Variants in TMEM132D observed in about 807,000 individuals in gnomAD.
The protein encoded by TMEM132D is transmembrane protein 132D, also known as mature OL transmembrane protein.
In TMEM132D, 21 loss-of-function variants were observed where a neutral mutation model predicts 62.3. The observed-to-expected ratio is 0.34, with a 90% confidence interval of 0.24 to 0.49. The LOEUF (loss-of-function observed/expected upper bound fraction) is 0.49, where lower values mean the gene tolerates loss of function less well. TMEM132D is among the 20% of genes least tolerant of loss of function. The probability of loss-of-function intolerance (pLI) is 0.99; values close to 1 mark genes in which losing one functional copy is unlikely to be tolerated. For missense variants in TMEM132D, 1,346 were observed against 1,402.8 expected, an observed-to-expected ratio of 0.96 and a Z score of 0.65; for synonymous variants, 621 against 575.6, an observed-to-expected ratio of 1.08 and a Z score of -1.13.
intron 5 of TMEM132D, among the ~76,000 whole-genome samples, chr12:129,087,097 T>C (rs1348620640): frequency 6.6e-6 from 1 of 152,160 alleles, no homozygotes; most frequent in East Asian, 1.9e-4. Flanking sequence ...TTCAGCAGCA[T>C]AACTGAAACT....
intron 5 of TMEM132D, among the ~76,000 whole-genome samples, chr12:129,179,742 C>T (rs1278659703): frequency 6.6e-6 from 1 of 152,094 alleles, no homozygotes; most frequent in African/African-American, 2.4e-5. Context: ...AAAAAAGTGA[C>T]ACCGGCCGGG....
chr12:129,162,260 A>C (rs898978194), intron 5 of TMEM132D, among the ~76,000 whole-genome samples: 1 of 152,188 alleles, frequency 6.6e-6, no homozygotes, highest in African/African-American at 2.4e-5. Flanking sequence ...CACTGAGGAA[A>C]GACCCTGTGA....
intron 2 of TMEM132D, among the ~76,000 whole-genome samples, chr12:129,555,435 A>C (rs1463821177): frequency 6.6e-6 from 1 of 152,248 alleles, no homozygotes; most frequent in Non-Finnish European, 1.5e-5. Context: ...TTACCTCAAA[A>C]GCAGAAAAAA....
chr12:129,285,539 A>AAAAAAAG (rs56018646), intron 4 of TMEM132D, among the ~76,000 whole-genome samples: 6 of 90,074 alleles, frequency 6.7e-5, no homozygotes, highest in Non-Finnish European at 1.1e-4. Context: ...AAAAAAAAAA[A>AAAAAAAG]AGAGAGAGAG....
At chr12:129,676,071 C>T (rs1435387101) in intron 2 of TMEM132D, among the ~76,000 whole-genome samples, 4 of 152,122 alleles carry the variant, frequency 2.6e-5, no homozygotes, top group African/African-American at 7.2e-5. Context: ...ACTGTGGCCT[C>T]GAGAATATGC....
chr12:129,238,509 T>G (rs961105946), intron 4 of TMEM132D, among the ~76,000 whole-genome samples: 1 of 152,210 alleles, frequency 6.6e-6, no homozygotes, highest in African/African-American at 2.4e-5. Context: ...CCCCTGGCAA[T>G]CACCATTCCA....
intron 5 of TMEM132D, among the ~76,000 whole-genome samples, chr12:129,116,218 T>C (rs1875885363): frequency 6.6e-6 from 1 of 152,158 alleles, no homozygotes; most frequent in Non-Finnish European, 1.5e-5. Flanking sequence ...AGAGGCTGGT[T>C]AAGGTGGGAA....
intron 3 of TMEM132D, among the ~76,000 whole-genome samples, chr12:129,502,716 T>C (rs1212194639): frequency 2.6e-5 from 4 of 152,160 alleles, no homozygotes; most frequent in African/African-American, 9.7e-5. Flanking sequence ...AGAAAGAAAG[T>C]TTATTCCCTG....
chr12:129,805,230 C>G (rs1362530148), intron 1 of TMEM132D, among the ~76,000 whole-genome samples: 1 of 152,004 alleles, frequency 6.6e-6, no homozygotes, highest in African/African-American at 2.4e-5. Context: ...GCCCGCATCA[C>G]CAAGTCAATC....
intron 1 of TMEM132D, among the ~76,000 whole-genome samples, chr12:129,818,740 TTAAAG>T (rs1394694947): frequency 6.6e-6 from 1 of 151,922 alleles, no homozygotes; most frequent in Admixed American, 6.6e-5. Context: ...TTAGTGCCAC[TTAAAG>T]TAGAACGTGC....
At chr12:129,642,654 T>C (rs933889874) in intron 2 of TMEM132D, among the ~76,000 whole-genome samples, 6 of 152,202 alleles carry the variant, frequency 3.9e-5, no homozygotes, top group Non-Finnish European at 5.9e-5. Context: ...AATGTGCAAA[T>C]TGGACAAGAA....
chr12:129,442,489 T>C lies in TMEM132D; in HGVS notation c.1115+88570A>G, dbSNP rs116135612. 4.4e-3 allele frequency among the ~76,000 whole-genome samples: 668 copies of C among 152,190 alleles called. 2 individuals carry two copies. Among genetic ancestry groups the C allele is most frequent in the African/African-American group, 0.015 (623 of 41,514 alleles). On this transcript the variant is annotated intron_variant, in intron 3 of 8. Transcript: ENST00000422113. ...TCCCGACCTCCTGAGAGATGAAATA[T>C]GCAAATTAAAGGGGGAAGCTAGGAC...
chr12:129,395,813 T>C (rs914601850), intron 3 of TMEM132D, among the ~76,000 whole-genome samples: 10 of 93,586 alleles, frequency 1.1e-4, no homozygotes, highest in Admixed American at 3.1e-4. Context: ...TATAGATATA[T>C]CTATAACATA....
At chr12:129,791,901 G>A (rs116282564) in intron 1 of TMEM132D, among the ~76,000 whole-genome samples, 1,876 of 152,248 alleles carry the variant, frequency 0.012, 34 homozygotes, top group African/African-American at 0.044. Flanking sequence ...ACACACTCCT[G>A]TATTTCCTAA....
intron 2 of TMEM132D, among the ~76,000 whole-genome samples, chr12:129,573,016 G>T (rs990313040): frequency 6.6e-6 from 1 of 152,148 alleles, no homozygotes; most frequent in Non-Finnish European, 1.5e-5. Flanking sequence ...TTGAAAAGAT[G>T]TTACTTGGAA....
At chr12:129,420,525 C>A (rs1310363306) in intron 3 of TMEM132D, among the ~76,000 whole-genome samples, 1 of 151,930 alleles carries the variant, frequency 6.6e-6, no homozygotes, top group East Asian at 1.9e-4. Context: ...AAATTCTACC[C>A]AACAGGACAG....
chr12:129,237,486 C>G (rs1424189590), intron 4 of TMEM132D, among the ~76,000 whole-genome samples: 1 of 152,116 alleles, frequency 6.6e-6, no homozygotes, highest in Non-Finnish European at 1.5e-5. Context: ...GGGATTTCCT[C>G]TCTAAATCAT....
chr12:129,261,858 C>A (rs114304494), intron 4 of TMEM132D, among the ~76,000 whole-genome samples: 30 of 152,220 alleles, frequency 2.0e-4, no homozygotes, highest in African/African-American at 7.0e-4. Context: ...AATACAGTCA[C>A]GTTCTGAAGT....
intron 5 of TMEM132D, among the ~76,000 whole-genome samples, chr12:129,121,106 T>G: frequency 8.9e-6 from 1 of 112,740 alleles, no homozygotes; most frequent in Admixed American, 8.2e-5. Context: ...TATTTATTTG[T>G]TTTTTTTGAG....
Sources: gnomAD v4.1 joint callset for allele counts (sites outside exome capture counted in the v4.1 genomes callset) on GRCh38, gnomAD v4.1.1 for gene constraint, MANE v1.5 for transcripts, NCBI Gene and HGNC (gene_info 2026-07-23, HGNC 2026-07-21) for gene names.